The following ENOX1 variants were observed in gnomAD, a reference collection of about 807,000 sequenced individuals.
ENOX1 encodes the protein ecto-NOX disulfide-thiol exchanger 1.
In ENOX1, 42 loss-of-function variants were observed where a neutral mutation model predicts 82.5. The ratio of observed to expected loss-of-function variants is 0.51; its 90% confidence interval spans 0.40 to 0.66. The LOEUF (loss-of-function observed/expected upper bound fraction) is 0.66. ENOX1 is among the 30% of genes least tolerant of loss of function. The pLI, the probability that ENOX1 is intolerant of heterozygous loss-of-function variation, is 0.00. For synonymous variants in ENOX1, 271 were observed against 282.2 expected (o/e 0.96, Z 0.40); for missense variants, 608 against 811.6 (o/e 0.75, Z 3.05).
intron 15 of ENOX1, among the ~76,000 whole-genome samples, chr13:43,232,558 C>T (rs1017765848): frequency 3.9e-5 from 6 of 152,130 alleles, no homozygotes; most frequent in Non-Finnish European, 7.3e-5. Flanking sequence ...TTTATACCCA[C>T]ATTAGGAGGA....
At chr13:43,461,451 T>C (rs2057480483) in intron 3 of ENOX1, among the ~76,000 whole-genome samples, 1 of 152,172 alleles carries the variant, frequency 6.6e-6, no homozygotes, top group African/African-American at 2.4e-5. Context: ...TATTGATATA[T>C]ATATTTTTTT....
chr13:43,708,691 A>G (rs2087482281), intron 1 of ENOX1, among the ~76,000 whole-genome samples: 1 of 152,250 alleles, frequency 6.6e-6, no homozygotes, highest in African/African-American at 2.4e-5. Context: ...ATGCTGAAAC[A>G]AATGTAAATC....
chr13:43,293,248 G>C (rs118121678), intron 12 of ENOX1, among the ~76,000 whole-genome samples: 1 of 151,590 alleles, frequency 6.6e-6, no homozygotes, highest in African/African-American at 2.4e-5. Flanking sequence ...TACAGTCACC[G>C]TCACTACCAC....
At chr13:43,601,094 C>T (rs1424372245) in intron 2 of ENOX1, among the ~76,000 whole-genome samples, 1 of 152,074 alleles carries the variant, frequency 6.6e-6, no homozygotes, top group Non-Finnish European at 1.5e-5. Context: ...ATGAGGACTA[C>T]AATAAACACC....
intron 2 of ENOX1, among the ~76,000 whole-genome samples, chr13:43,517,216 G>A (rs768605841): frequency 2.0e-5 from 3 of 152,104 alleles, no homozygotes; most frequent in Non-Finnish European, 4.4e-5. Context: ...ATGTCCTTAG[G>A]CTGGGTGTGG....
At chr13:43,583,300 T>C (rs1168304841) in intron 2 of ENOX1, among the ~76,000 whole-genome samples, 2 of 152,220 alleles carry the variant, frequency 1.3e-5, no homozygotes, top group Admixed American at 6.5e-5. Context: ...TAATACATCA[T>C]GACTGAGTGA....
At chr13:43,485,604 A>C (rs992769141) in intron 2 of ENOX1, among the ~76,000 whole-genome samples, 1 of 152,240 alleles carries the variant, frequency 6.6e-6, no homozygotes, top group African/African-American at 2.4e-5. Context: ...AGGAAAAAGA[A>C]CAGAGGAAAA....
At chr13:43,443,456 T>C (rs992931807) in intron 3 of ENOX1, among the ~76,000 whole-genome samples, 23 of 152,210 alleles carry the variant, frequency 1.5e-4, no homozygotes, top group African/African-American at 5.3e-4. Context: ...TTAAAAGAGC[T>C]GGCACTGACA....
At chr13:43,711,103 T>C (rs1450407698) in intron 1 of ENOX1, among the ~76,000 whole-genome samples, 1 of 120,484 alleles carries the variant, frequency 8.3e-6, no homozygotes, top group Non-Finnish European at 1.6e-5. Flanking sequence ...CAGAGTGTGA[T>C]GTTCCCCTTC....
At chr13:43,239,462 T>C (rs183170482) in intron 14 of ENOX1, among the ~76,000 whole-genome samples, 111 of 152,350 alleles carry the variant, frequency 7.3e-4, no homozygotes, top group Middle Eastern at 3.4e-3. Flanking sequence ...CTCCAAGGAA[T>C]GCTTGCTTGC....
At chr13:43,504,037 C>A (rs2077066524) in intron 2 of ENOX1, among the ~76,000 whole-genome samples, 1 of 151,654 alleles carries the variant, frequency 6.6e-6, no homozygotes, top group African/African-American at 2.4e-5. Context: ...GGTAAAGAAA[C>A]TGAGTAGACA....
intron 1 of ENOX1, among the ~76,000 whole-genome samples, chr13:43,702,385 T>C (rs1334922488): frequency 1.3e-5 from 2 of 152,204 alleles, no homozygotes; most frequent in African/African-American, 4.8e-5. Context: ...TTGAAGAATA[T>C]AGCTTTATAT....
chr13:43,727,160 T>C (rs2089033546), intron 1 of ENOX1, among the ~76,000 whole-genome samples: 1 of 152,166 alleles, frequency 6.6e-6, no homozygotes, highest in South Asian at 2.1e-4. Context: ...CATCTCAGAC[T>C]CCAGAGCAAA....
intron 2 of ENOX1, among the ~76,000 whole-genome samples, chr13:43,507,349 G>T (rs1415751856): frequency 6.6e-6 from 1 of 151,878 alleles, no homozygotes; most frequent in Non-Finnish European, 1.5e-5. Flanking sequence ...CATAATCAAT[G>T]AAGAAAAGAA....
intron 12 of ENOX1, among the ~76,000 whole-genome samples, chr13:43,270,227 C>T (rs893516003): frequency 6.6e-6 from 1 of 152,170 alleles, no homozygotes; most frequent in Non-Finnish European, 1.5e-5. Context: ...GAAGGCTTTC[C>T]TTGTCTGCCA....
intron 3 of ENOX1, among the ~76,000 whole-genome samples, chr13:43,443,808 G>A (rs1393407908): frequency 1.3e-5 from 2 of 152,128 alleles, no homozygotes; most frequent in Non-Finnish European, 2.9e-5. Flanking sequence ...GCGAAGGAGA[G>A]GCATTCCAAG....
intron 2 of ENOX1, among the ~76,000 whole-genome samples, chr13:43,598,314 G>T (rs1477860345): frequency 6.6e-6 from 1 of 152,036 alleles, no homozygotes; most frequent in African/African-American, 2.4e-5. Context: ...TGTCCATTTT[G>T]CTCCATGCTT....
At position 43,619,056 on chromosome 13, in the gene ENOX1, T is replaced by C. The variant is rs566385068; in HGVS notation, c.-219+48423A>G. Among the ~76,000 whole-genome samples, 186 of 151,444 alleles carry C rather than the reference T, an allele frequency of 1.2e-3. 1 individual carries two copies. Among genetic ancestry groups the C allele is most frequent in the South Asian group, 9.8e-3 (47 of 4,780 alleles). Reference sequence around the variant, plus strand: ...TGATTTTCTAGCCACTGTTGGTGTATGGAAGAACTACTGATTTGTGTATAT... The same window carrying C: ...TGATTTTCTAGCCACTGTTGGTGTACGGAAGAACTACTGATTTGTGTATAT... On this transcript the variant is annotated intron_variant, in intron 2 of 16. Coordinates refer to ENST00000690772, the MANE Select transcript of ENOX1 (RefSeq NM_001347969.2).
intron 1 of ENOX1, among the ~76,000 whole-genome samples, chr13:43,684,791 T>C (rs1445377870): frequency 1.3e-5 from 2 of 152,162 alleles, no homozygotes; most frequent in African/African-American, 4.8e-5. Flanking sequence ...GTAGCCATAG[T>C]CAACCATAGA....
Sources: allele counts gnomAD v4.1 joint callset (sites outside exome capture counted in the v4.1 genomes callset), GRCh38; gene constraint gnomAD v4.1.1; transcripts MANE v1.5; gene names NCBI Gene and HGNC (gene_info 2026-07-23, HGNC 2026-07-21).